SCNN1B: variants seen among roughly 807,000 people sequenced by gnomAD.
SCNN1B encodes epithelial sodium channel subunit beta.
A neutral mutation model predicts 65.3 loss-of-function variants in SCNN1B; 46 were observed. The ratio of observed to expected loss-of-function variants is 0.70; its 90% CI spans 0.56 to 0.90. The LOEUF is 0.90. SCNN1B is among the 40% of genes least tolerant of loss of function. SCNN1B has a pLI of 0.00. For missense variants in SCNN1B, 751 were observed against 830.5 expected (o/e 0.90, Z 1.18); for synonymous variants, 349 against 330.6 (o/e 1.06, Z -0.60).
At chr16:23,356,988 G>C (rs935162046) in intron 4 of SCNN1B, among the ~76,000 whole-genome samples, 1 of 152,176 alleles carries the variant, frequency 6.6e-6, no homozygotes, top group Non-Finnish European at 1.5e-5. Context: ...GCCCCTTGTC[G>C]GCCTCCTGAC....
Position 23,357,539 on chromosome 16 carries a change from C to T in SCNN1B, c.776+2050C>T, listed in dbSNP as rs540351900. ...CGGAGGTTGTAGTGAGCAGAGATCG[C>T]GCCACTACACTTCAGCCTGGGCAGC... On this transcript the variant is annotated intron_variant, in intron 4 of 12. Transcript: ENST00000343070. 5.3e-5 allele frequency among the ~76,000 whole-genome samples: 8 copies of T among 152,256 alleles called. No homozygotes were observed. In the South Asian group the frequency reaches 8.3e-4, roughly 16 times the overall value.
At chr16:23,374,573 C>CAAAA (rs1168924579) in intron 7 of SCNN1B, among the ~76,000 whole-genome samples, 63 of 47,960 alleles carry the variant, frequency 1.3e-3, no homozygotes, top group Middle Eastern at 0.014. Context: ...GACTCCATCT[C>CAAAA]AAAAAAAAAA....
At chr16:23,340,860 T>A (rs539527925) in intron 1 of SCNN1B, among the ~76,000 whole-genome samples, 1 of 152,164 alleles carries the variant, frequency 6.6e-6, no homozygotes, top group East Asian at 1.9e-4. Context: ...TTCAACTTGT[T>A]TTTATTTTTC....
At position 23,380,659 on chromosome 16, in the gene SCNN1B, C is replaced by G. The variant is rs1799979; in HGVS notation, c.1781C>G (p.Thr594Arg). Residue 594 changes from threonine (T) to arginine (R), a missense_variant, in exon 13 of 13, where the codon ACG (threonine) becomes AGG (arginine). Thr to Arg is a moderately conservative substitution (Grantham distance 71). Coordinates refer to ENST00000343070, the MANE Select transcript of SCNN1B (RefSeq NM_000336.3). This position sits in a 1 kb window ranked among gnomAD's most constrained non-coding sequence, Gnocchi z 5.4. ...AHTNFGFQPD[T>R]APRSPNTGPY... ...ACCAACTTTGGCTTCCAGCCTGACACGGCCCCCCGCAGCCCCAACACTGGG... is the reference window on the plus strand; with the variant it reads ...ACCAACTTTGGCTTCCAGCCTGACAGGGCCCCCCGCAGCCCCAACACTGGG... 3.1e-6 allele frequency: 5 copies of G among 1,612,724 alleles called. No individual in the cohort carries two copies. The highest frequency in any genetic ancestry group is 4.2e-6 in the Non-Finnish European group (5 of 1,179,520).
At chr16:23,344,714 T>TGGGGTG (rs1567304853) in intron 1 of SCNN1B, among the ~76,000 whole-genome samples, 1 of 151,656 alleles carries the variant, frequency 6.6e-6, no homozygotes, top group Non-Finnish European at 1.5e-5. Context: ...GAGTTGGAGG[T>TGGGGTG]GGGGTGCAGT....
chr16:23,283,377 C>G (rs188464481), intron 1 of SCNN1B, among the ~76,000 whole-genome samples: 56 of 152,320 alleles, frequency 3.7e-4, no homozygotes, highest in African/African-American at 1.3e-3. Context: ...CGACACTGCA[C>G]TCCAGCCTAG....
rs145649385 is a variant in SCNN1B at position 23,343,684 on chromosome 16, C to G, written c.-8-4908C>G. ...GGAAGGAAGGAAGAAAAAAAAAAGCCGAAACACTTTTCCACATTTATTGTT... is the reference window on the plus strand; with the variant it reads ...GGAAGGAAGGAAGAAAAAAAAAAGCGGAAACACTTTTCCACATTTATTGTT... On this transcript the variant is annotated intron_variant, in intron 1 of 12. Coordinates refer to ENST00000343070, the MANE Select transcript of SCNN1B (RefSeq NM_000336.3). Among the ~76,000 whole-genome samples, 1,378 of 145,304 alleles carry G rather than the reference C, an allele frequency of 9.5e-3. 19 individuals are homozygous for G. Among genetic ancestry groups the G allele is most frequent in the Non-Finnish European group, 0.014 (947 of 65,340 alleles).
chr16:23,309,318 C>G lies in SCNN1B; in HGVS notation c.-9+6881C>G, dbSNP rs185932965. 2.6e-3 allele frequency among the ~76,000 whole-genome samples: 398 copies of G among 152,188 alleles called. 5 individuals carry two copies. Among genetic ancestry groups the G allele is most frequent in the African/African-American group, 9.0e-3 (372 of 41,510 alleles). ...AAGACTGCCCCTGACAGCTGAAGAC[C>G]TGCTCCCACCCCACTATAACTGTAT... On this transcript the variant is annotated intron_variant, in intron 1 of 12. Coordinates refer to ENST00000343070, the MANE Select transcript of SCNN1B (RefSeq NM_000336.3).
intron 5 of SCNN1B, among the ~76,000 whole-genome samples, 193 bp downstream of exon 5, chr16:23,368,152 A>G (rs1261955784): frequency 1.3e-5 from 2 of 152,156 alleles, no homozygotes; most frequent in African/African-American, 4.8e-5. Flanking sequence ...ATTCCCGCCC[A>G]CAATGTTCAG....
intron 1 of SCNN1B, among the ~76,000 whole-genome samples, chr16:23,305,854 T>C (rs924353103): frequency 6.6e-6 from 1 of 151,958 alleles, no homozygotes; most frequent in Non-Finnish European, 1.5e-5. Context: ...AGTCCCTACC[T>C]GGCCCACCCC....
intron 1 of SCNN1B, among the ~76,000 whole-genome samples, chr16:23,316,726 C>CA (rs574607987): frequency 7.8e-4 from 116 of 149,174 alleles, no homozygotes; most frequent in African/African-American, 2.7e-3. Flanking sequence ...TCACCCTCAC[C>CA]ATCTCCTCTG....
chr16:23,299,074 TTTC>T, upstream of SCNN1B, among the ~76,000 whole-genome samples: 1 of 150,636 alleles, frequency 6.6e-6, no homozygotes. Flanking sequence ...TTTTTTTTTT[TTTC>T]GAGATTGAGT....
chr16:23,353,448 C>T lies in SCNN1B; in HGVS notation c.585+374C>T, dbSNP rs188682190. Among the ~76,000 whole-genome samples, 4 of 152,344 alleles carry T rather than the reference C, an allele frequency of 2.6e-5. No homozygotes were observed. In the East Asian group the frequency reaches 5.8e-4, roughly 22 times the overall value. ...GCGACTTCACTCTCAGGCAAGATCT[C>T]TCCATGTGGAGGGATCCCCTCAGTG... On this transcript the variant is annotated intron_variant, in intron 3 of 12. Coordinates refer to ENST00000343070, the MANE Select transcript of SCNN1B (RefSeq NM_000336.3).
In SCNN1B at chr16:23,284,543, C is replaced by T. The variant is rs373901947; in HGVS notation, n.178+739C>T. Among the ~76,000 whole-genome samples, 4 of 152,234 alleles carry T rather than the reference C, an allele frequency of 2.6e-5. No homozygotes were observed. The South Asian group carries it at 6.2e-4, about 24-fold the overall frequency. The stretch of plus-strand genomic sequence containing the variant: ...GCACCTCACATAGTGTTTGGCACAA[C>T]GAAGGCACTCCATAAATAGAAAGAA... On this transcript the variant is annotated intron_variant and non_coding_transcript_variant, in intron 2 of 3. Coordinates refer to the SCNN1B transcript ENST00000569789.
At chr16:23,296,617 A>G (rs1267534502) in intron 2 of SCNN1B, among the ~76,000 whole-genome samples, 1 of 152,148 alleles carries the variant, frequency 6.6e-6, no homozygotes, top group Admixed American at 6.6e-5. Flanking sequence ...AGAAAGAGGG[A>G]TAACAAAAAG....
chr16:23,356,809 C>A (rs990218332), intron 4 of SCNN1B, among the ~76,000 whole-genome samples: 1 of 152,148 alleles, frequency 6.6e-6, no homozygotes, highest in African/African-American at 2.4e-5. Context: ...CAGCTCCTGG[C>A]AAACCAACCC....
chr16:23,372,693 C>G (rs1339476883), intron 7 of SCNN1B, among the ~76,000 whole-genome samples: 2 of 149,368 alleles, frequency 1.3e-5, no homozygotes, highest in Admixed American at 1.3e-4. Flanking sequence ...CGGGGTTTCA[C>G]CAAGTTGGCC....
chr16:23,345,707 CTCACA>C (rs1962171810), intron 1 of SCNN1B, among the ~76,000 whole-genome samples: 1 of 152,194 alleles, frequency 6.6e-6, no homozygotes, highest in African/African-American at 2.4e-5. Flanking sequence ...AGCCTGGCAA[CTCACA>C]CCAACTGAGA....
intron 2 of SCNN1B, among the ~76,000 whole-genome samples, chr16:23,350,484 G>A (rs903236111): frequency 6.6e-6 from 1 of 152,212 alleles, no homozygotes; most frequent in Admixed American, 6.5e-5. Context: ...AGTGCCCTAA[G>A]GAATGAGTAG....
Sources: allele counts gnomAD v4.1 joint callset (sites outside exome capture counted in the v4.1 genomes callset), GRCh38; gene constraint gnomAD v4.1.1; non-coding constraint Gnocchi (gnomAD v3.1); transcripts MANE v1.5; gene names NCBI Gene and HGNC (gene_info 2026-07-23, HGNC 2026-07-21).